The following PPTC7 variants were observed in gnomAD, a reference collection of about 807,000 sequenced individuals.
PPTC7 encodes protein phosphatase PTC7 homolog.
A neutral mutation model predicts 30.8 loss-of-function variants in PPTC7; 6 were observed. The observed-to-expected ratio is 0.19, with a 90% CI of 0.11 to 0.38. PPTC7 has a LOEUF of 0.38. PPTC7 is among the 10% of genes least tolerant of loss of function. PPTC7 has a pLI of 1.00. For synonymous variants in PPTC7, 163 were observed against 168.1 expected, an observed-to-expected ratio of 0.97 and a Z score of 0.23; for missense variants, 218 against 404.8, an observed-to-expected ratio of 0.54 and a Z score of 3.96.
chr12:110,534,009 CCAA>C lies in PPTC7; in HGVS notation c.*3025_*3027del, dbSNP rs2064197111. The C allele has an allele frequency of 6.6e-6, 1 of 152,222 alleles. No homozygotes were observed. The highest frequency in any genetic ancestry group is 1.9e-4 in the East Asian group (1 of 5,186). The allele number at this position is 152,222 out of a possible 1,614,324, so 9.4% of individuals were successfully genotyped here. Reference sequence around the variant, plus strand: ...AATGGATTCTTTTGTGATTTAGTACCCAACAACCATGTCAAGCAAGTACAGTAA... The same window carrying C: ...AATGGATTCTTTTGTGATTTAGTACCCAACCATGTCAAGCAAGTACAGTAA... On this transcript the variant is annotated 3_prime_UTR_variant, in exon 6 of 6. Transcript: ENST00000354300.
chr12:110,569,814 T>C (rs2064517651), intron 1 of PPTC7, among the ~76,000 whole-genome samples: 1 of 152,260 alleles, frequency 6.6e-6, no homozygotes, highest in South Asian at 2.1e-4. Flanking sequence ...ATATTTCCAG[T>C]GAAGTTTCAA....
At chr12:110,572,623 A>G (rs923968285) in intron 1 of PPTC7, among the ~76,000 whole-genome samples, 1 of 152,184 alleles carries the variant, frequency 6.6e-6, no homozygotes, top group Non-Finnish European at 1.5e-5. Flanking sequence ...GTAGAAAGTC[A>G]CTTTCGTAGT....
At chr12:110,564,679 A>G (rs1016719354) in intron 1 of PPTC7, among the ~76,000 whole-genome samples, 4 of 151,996 alleles carry the variant, frequency 2.6e-5, no homozygotes, top group African/African-American at 4.8e-5. Flanking sequence ...TTTTTCCTTT[A>G]AACGAGAACA....
intron 1 of PPTC7, among the ~76,000 whole-genome samples, chr12:110,552,858 C>T (rs568404496): frequency 7.9e-5 from 12 of 151,894 alleles, no homozygotes; most frequent in Admixed American, 1.3e-4. Flanking sequence ...GGCGAGACTC[C>T]GTCTCAAAAA....
chr12:110,537,244 T>C (rs970582796), intron 5 of PPTC7, 149 bp from the exon 6 acceptor site: 10 of 517,130 alleles, frequency 1.9e-5, no homozygotes, highest in Middle Eastern at 4.6e-4. Flanking sequence ...GAAAAAAATA[T>C]TTGATTAAAA....
Position 110,582,934 on chromosome 12 carries a change from TCGCCGCCGC to T in PPTC7, c.89_97del (p.Gly30_Gly32del), listed in dbSNP as rs35409332. ...GCAGCCGGCCGTCACCAGTCCGTAG[TCGCCGCCGC>T]CGCCGCCGCCGGCCCTGGGGTCGGT... On this transcript the variant is annotated inframe_deletion, in exon 1 of 6. Transcript: ENST00000354300. The T allele has an allele frequency of 1.4e-4, 213 of 1,546,490 alleles. No homozygotes were observed. The highest frequency in any genetic ancestry group is 9.6e-4 in the East Asian group (39 of 40,772).
intron 2 of PPTC7, among the ~76,000 whole-genome samples, chr12:110,548,864 C>T (rs2064331189): frequency 6.6e-6 from 1 of 152,122 alleles, no homozygotes; most frequent in Non-Finnish European, 1.5e-5. Context: ...TTGGAGTGTA[C>T]CCTCCTCTTT....
intron 3 of PPTC7, 109 bp from the exon 4 acceptor site, chr12:110,540,054 C>G (rs1465658077): frequency 1.0e-6 from 1 of 954,924 alleles, no homozygotes; most frequent in Admixed American, 3.3e-5. Flanking sequence ...GCAAGAAAAA[C>G]TGATTTATCA....
intron 1 of PPTC7, among the ~76,000 whole-genome samples, chr12:110,563,687 C>A (rs1056954447): frequency 3.3e-5 from 5 of 151,788 alleles, no homozygotes; most frequent in Admixed American, 2.0e-4. Context: ...CTGTAGTAAG[C>A]GGTTCATTTT....
At chr12:110,567,314 C>T (rs1036881664) in intron 1 of PPTC7, among the ~76,000 whole-genome samples, 13 of 152,214 alleles carry the variant, frequency 8.5e-5, no homozygotes, top group Admixed American at 5.9e-4. Context: ...TCAGCACAGG[C>T]GATTCTAATG....
In PPTC7 at chr12:110,539,936, A is replaced by AGCATCCG. The variant is rs748780195; in HGVS notation, c.605_611dup (p.Ala205GlyfsTer4). 6.2e-7 allele frequency: 1 copy of AGCATCCG among 1,614,120 alleles called. No homozygotes were observed. The highest frequency in any genetic ancestry group is 8.5e-7 in the Non-Finnish European group (1 of 1,179,972). The stretch of plus-strand genomic sequence containing the variant: ...GGACATCGAAAGACGTGCTATCAGC[A>AGCATCCG]GCATCCGGACTGTGGCAAGGACAGG... On this transcript the variant is annotated frameshift_variant, in exon 4 of 6. Transcript: ENST00000354300. LOFTEE classifies it high-confidence loss of function.
At chr12:110,577,018 T>C (rs1403844037) in intron 1 of PPTC7, among the ~76,000 whole-genome samples, 1 of 151,680 alleles carries the variant, frequency 6.6e-6, no homozygotes, top group Non-Finnish European at 1.5e-5. Context: ...AATATAAAAA[T>C]TGGCCAGGTG....
intron 2 of PPTC7, among the ~76,000 whole-genome samples, chr12:110,549,099 G>C (rs551569007): frequency 1.2e-3 from 187 of 152,294 alleles, no homozygotes; most frequent in African/African-American, 4.3e-3. Context: ...TTATCACCCA[G>C]CTCCTTATTT....
rs1314038634 is a variant in PPTC7 at position 110,535,231 on chromosome 12, T to G, written c.*1806A>C. The G allele has an allele frequency of 6.8e-6, 1 of 147,968 alleles. No homozygotes were observed. The highest frequency in any genetic ancestry group is 2.5e-5 in the African/African-American group (1 of 40,506). 9.2% of individuals were successfully genotyped at this position (147,968 alleles called of 1,614,324 possible). On this transcript the variant is annotated 3_prime_UTR_variant, in exon 6 of 6. Coordinates refer to ENST00000354300, the MANE Select transcript of PPTC7 (RefSeq NM_139283.2). ...CCCCACCGCGTCTACCAAAGAATTC[T>G]GTTTTGTCAAGTTAGGGTAGTTAAG...
intron 1 of PPTC7, among the ~76,000 whole-genome samples, chr12:110,569,385 G>A (rs538491860): frequency 1.6e-4 from 25 of 152,172 alleles, no homozygotes; most frequent in South Asian, 1.0e-3. Flanking sequence ...AGAGAGGGCT[G>A]AGCTGATGGA....
chr12:110,552,603 G>A (rs1295110608), intron 1 of PPTC7, among the ~76,000 whole-genome samples: 3 of 152,198 alleles, frequency 2.0e-5, no homozygotes, highest in South Asian at 2.1e-4. Context: ...GGTGGCTCAC[G>A]CCTGTAATCC....
At chr12:110,580,176 TCA>T (rs993033032) in intron 1 of PPTC7, among the ~76,000 whole-genome samples, 3 of 152,112 alleles carry the variant, frequency 2.0e-5, no homozygotes, top group Non-Finnish European at 2.9e-5. Context: ...AGACCACAAA[TCA>T]CAGAGCTACT....
intron 1 of PPTC7, among the ~76,000 whole-genome samples, chr12:110,564,207 G>T (rs2064461342): frequency 6.6e-6 from 1 of 152,302 alleles, no homozygotes; most frequent in South Asian, 2.1e-4. Flanking sequence ...TGGACAGGAG[G>T]AGGCAACAAA....
chr12:110,555,464 T>A (rs1348184548), intron 1 of PPTC7, among the ~76,000 whole-genome samples: 1 of 152,230 alleles, frequency 6.6e-6, no homozygotes, highest in East Asian at 1.9e-4. Context: ...CTCTCTACTT[T>A]GATATATATT....
Sources: allele counts gnomAD v4.1 joint callset (sites outside exome capture counted in the v4.1 genomes callset), GRCh38; gene constraint gnomAD v4.1.1; transcripts MANE v1.5; gene names NCBI Gene and HGNC (gene_info 2026-07-23, HGNC 2026-07-21).